Variants in ROBO1 observed in about 807,000 individuals in gnomAD.
ROBO1 encodes roundabout homolog 1.
ROBO1 carries 149 observed loss-of-function variants against 195.9 expected under a neutral mutation model. The observed-to-expected ratio is 0.76, with a 90% CI of 0.67 to 0.87. The LOEUF is 0.87. ROBO1 is among the 40% of genes least tolerant of loss of function. The pLI, the probability that ROBO1 is intolerant of heterozygous loss-of-function variation, is 0.00. For synonymous variants in ROBO1, 816 were observed against 733.2 expected (o/e 1.11, Z -1.82); for missense variants, 1,933 against 2,068.3 (o/e 0.93, Z 1.27).
rs188191749 is a variant in ROBO1 at position 79,007,879 on chromosome 3, T to A, written c.173-68952A>T. Among the ~76,000 whole-genome samples the A allele has an allele frequency of 6.4e-4, 98 of 152,324 alleles. 1 individual carries two copies. In the East Asian group the frequency reaches 0.019, roughly 29 times the overall value. On this transcript the variant is annotated intron_variant, in intron 3 of 30. Transcript: ENST00000464233. ...GGAATGAGCATTTTTTTCTACTTTGTTGCCTGGTTAGGTGACTGAAAGAAT... is the reference window on the plus strand; with the variant it reads ...GGAATGAGCATTTTTTTCTACTTTGATGCCTGGTTAGGTGACTGAAAGAAT...
intron 20 of ROBO1, among the ~76,000 whole-genome samples, chr3:78,647,315 A>G (rs1706362776): frequency 6.6e-6 from 1 of 152,044 alleles, no homozygotes; most frequent in African/African-American, 2.4e-5. Context: ...TCAAGTCTGA[A>G]GTAGTCAATA....
At chr3:78,761,908 T>C (rs906990881) in intron 4 of ROBO1, among the ~76,000 whole-genome samples, 5 of 152,102 alleles carry the variant, frequency 3.3e-5, no homozygotes, top group Admixed American at 3.3e-4. Context: ...AAATAATTCT[T>C]TCTCACATTG....
chr3:78,665,565 G>A (rs1274874781), intron 14 of ROBO1, among the ~76,000 whole-genome samples: 2 of 151,902 alleles, frequency 1.3e-5, no homozygotes, highest in Non-Finnish European at 2.9e-5. Context: ...TCAGTTTTAC[G>A]ACATCCACAA....
chr3:79,559,718 A>C (rs1942837307), intron 2 of ROBO1, among the ~76,000 whole-genome samples: 1 of 152,064 alleles, frequency 6.6e-6, no homozygotes, highest in Non-Finnish European at 1.5e-5. Context: ...GGATTTCGAG[A>C]CCAGCCTGAC....
chr3:78,948,178 C>T (rs915635240), intron 3 of ROBO1, among the ~76,000 whole-genome samples: 2 of 152,136 alleles, frequency 1.3e-5, no homozygotes, highest in Non-Finnish European at 2.9e-5. Context: ...TTTTATGAGG[C>T]CAGCATCATC....
Position 79,422,988 on chromosome 3 carries a change from T to C in ROBO1, c.88+166836A>G, listed in dbSNP as rs559116768. 2.5e-3 allele frequency among the ~76,000 whole-genome samples: 268 copies of C among 106,906 alleles called. 2 individuals carry two copies. The highest frequency in any genetic ancestry group is 9.4e-3 in the African/African-American group (256 of 27,370). The allele number at this position is 106,906 out of a possible 152,430, so 70.1% of individuals were successfully genotyped here. A position where few individuals can be genotyped will look rare whatever the true frequency, so the allele number is the denominator to read the frequency against. On this transcript the variant is annotated intron_variant, in intron 2 of 30. Coordinates refer to ENST00000464233, the MANE Select transcript of ROBO1 (RefSeq NM_002941.4). ...TATTTAGTATATTTCCACTACTGTA[T>C]AGAAAAAACCACCTGGTTGTGCTGG... is the stretch of plus-strand genomic sequence containing the variant.
At chr3:78,785,480 T>C (rs1445268340) in intron 4 of ROBO1, among the ~76,000 whole-genome samples, 3 of 152,210 alleles carry the variant, frequency 2.0e-5, no homozygotes, top group Non-Finnish European at 2.9e-5. Context: ...GCTTATTTGA[T>C]GGATTTTTCT....
intron 11 of ROBO1, among the ~76,000 whole-genome samples, chr3:78,668,864 T>C (rs1408029009): frequency 6.6e-6 from 1 of 152,214 alleles, no homozygotes; most frequent in Non-Finnish European, 1.5e-5. Flanking sequence ...CATACAATTC[T>C]TCAAATTTAG....
At chr3:79,584,610 AGTGTGTGT>A (rs143360306) in intron 2 of ROBO1, among the ~76,000 whole-genome samples, 1,533 of 131,760 alleles carry the variant, frequency 0.012, 40 homozygotes, top group African/African-American at 0.045. Context: ...TAGGTGGGTG[AGTGTGTGT>A]GTGTGTGTGT....
At chr3:79,100,464 G>T (rs1271248101) in intron 3 of ROBO1, among the ~76,000 whole-genome samples, 4 of 151,402 alleles carry the variant, frequency 2.6e-5, no homozygotes, top group Non-Finnish European at 5.9e-5. Flanking sequence ...GAGTGAGCAG[G>T]TTAGGAAGCT....
chr3:79,053,280 C>T (rs570446761), intron 3 of ROBO1, among the ~76,000 whole-genome samples: 104 of 152,032 alleles, frequency 6.8e-4, no homozygotes, highest in African/African-American at 2.4e-3. Flanking sequence ...TCAGCCTCTC[C>T]CTTCATCTAC....
intron 2 of ROBO1, among the ~76,000 whole-genome samples, chr3:79,572,127 C>T (rs1943298699): frequency 6.6e-6 from 1 of 152,050 alleles, no homozygotes; most frequent in African/African-American, 2.4e-5. Context: ...ACATTGTGCA[C>T]ATGTACCCTA....
At chr3:79,401,530 T>C (rs951495365) in intron 2 of ROBO1, among the ~76,000 whole-genome samples, 1 of 151,860 alleles carries the variant, frequency 6.6e-6, no homozygotes, top group Non-Finnish European at 1.5e-5. Context: ...TTTTAGATGA[T>C]GAAGAGGAAG....
rs548972029 is a variant in ROBO1, at chr3:78,720,959, G to A, written c.658-3076C>T. 7.9e-5 allele frequency among the ~76,000 whole-genome samples: 12 copies of A among 151,182 alleles called. No individual in the cohort carries two copies. In the South Asian group the frequency reaches 8.3e-4, roughly 10 times the overall value. On this transcript the variant is annotated intron_variant, in intron 5 of 30. Transcript: ENST00000464233. ...GGACCTGTTGTGGGGTTGGGGGGGG[G>A]GCGGTGGAGGCATAGCATTAGGAGA...
Position 78,668,126 on chromosome 3 carries a change from C to CA in ROBO1, c.1799+7dup, listed in dbSNP as rs2107702833. On this transcript the variant is annotated splice_region_variant and intron_variant, in intron 13 of 30. Transcript: ENST00000464233. ...AAGAACAACTAGGAAGCATCTCCTT[C>CA]ACTCTACCTGAAGGCTTCTATAATA... 2 of 1,612,796 alleles carry CA rather than the reference C, an allele frequency of 1.2e-6. No individual in the cohort carries two copies. Among genetic ancestry groups the CA allele is most frequent in the East Asian group, 4.5e-5 (2 of 44,856 alleles).
At chr3:79,107,127 T>TCTCTCACA (rs1370578718) in intron 3 of ROBO1, among the ~76,000 whole-genome samples, 45 of 136,454 alleles carry the variant, frequency 3.3e-4, no homozygotes, top group African/African-American at 1.1e-3. Context: ...TCTCTCTCTC[T>TCTCTCACA]CACACACACA....
intron 2 of ROBO1, among the ~76,000 whole-genome samples, chr3:79,277,052 C>T (rs1401253382): frequency 6.6e-6 from 1 of 151,864 alleles, no homozygotes; most frequent in Non-Finnish European, 1.5e-5. Context: ...TATGGAGAAA[C>T]CTTTAGAGAT....
At chr3:79,050,864 G>T (rs1051950737) in intron 3 of ROBO1, among the ~76,000 whole-genome samples, 2 of 152,094 alleles carry the variant, frequency 1.3e-5, no homozygotes, top group African/African-American at 2.4e-5. Context: ...AAGCCAGTGA[G>T]AACAAAGACA....
intron 4 of ROBO1, among the ~76,000 whole-genome samples, chr3:78,932,116 T>TA (rs1347475886): frequency 6.6e-6 from 1 of 152,242 alleles, no homozygotes; most frequent in Non-Finnish European, 1.5e-5. Flanking sequence ...CAAGTTAGTC[T>TA]ATGAATATGA....
Sources: gnomAD v4.1 joint callset for allele counts (sites outside exome capture counted in the v4.1 genomes callset) on GRCh38, gnomAD v4.1.1 for gene constraint, MANE v1.5 for transcripts, NCBI Gene and HGNC (gene_info 2026-07-23, HGNC 2026-07-21) for gene names.